Variants in TDRD10 observed in about 807,000 individuals in gnomAD.
TDRD10 encodes tudor domain-containing protein 10.
A neutral mutation model predicts 48.0 loss-of-function variants in TDRD10; 40 were observed. That is an observed-to-expected ratio of 0.83 (90% CI 0.65 to 1.09). TDRD10 has a LOEUF of 1.09. Ranked by LOEUF, TDRD10 falls within the 50% of genes least tolerant of loss-of-function variation. TDRD10 has a pLI of 0.00. For synonymous variants in TDRD10, 162 were observed against 170.4 expected, an observed-to-expected ratio of 0.95 and a Z score of 0.38; for missense variants, 378 against 434.7, an observed-to-expected ratio of 0.87 and a Z score of 1.16.
At chr1:154,541,948 C>A in intron 6 of TDRD10, 76 bp from the exon 7 acceptor site, 1 of 1,473,114 alleles carries the variant, frequency 6.8e-7, no homozygotes, top group Non-Finnish European at 9.4e-7. Flanking sequence ...CCCAGTCTAC[C>A]TGGAGTGATT....
chr1:154,510,444 T>G (rs1693396253), intron 4 of TDRD10, among the ~76,000 whole-genome samples: 1 of 150,638 alleles, frequency 6.6e-6, no homozygotes, highest in South Asian at 2.1e-4. Flanking sequence ...TACAAAAAAT[T>G]AGACGGGTAT....
chr1:154,535,888 C>T (rs908917846), intron 6 of TDRD10, among the ~76,000 whole-genome samples: 1 of 152,130 alleles, frequency 6.6e-6, no homozygotes, highest in Admixed American at 6.5e-5. Context: ...AGTCCTGGAA[C>T]AGTTGCTGTG....
chr1:154,532,784 C>T (rs567301591), intron 6 of TDRD10, among the ~76,000 whole-genome samples: 1 of 152,322 alleles, frequency 6.6e-6, no homozygotes, highest in African/African-American at 2.4e-5. Flanking sequence ...GCTGCTCCCA[C>T]AGGGGAACAC....
At chr1:154,521,593 A>C in intron 6 of TDRD10, 114 bp downstream of exon 6, 1 of 1,263,138 alleles carries the variant, frequency 7.9e-7, no homozygotes, top group South Asian at 1.5e-5. Flanking sequence ...TGTGGAGAAG[A>C]AGGCAGGGTC....
At position 154,506,868 on chromosome 1, in the gene TDRD10, G is replaced by T. The variant is rs1381871605; in HGVS notation, c.-27-9G>T. 1.2e-6 allele frequency: 2 copies of T among 1,613,578 alleles called. No individual in the cohort carries two copies. Among genetic ancestry groups the T allele is most frequent in the Admixed American group, 3.3e-5 (2 of 60,002 alleles). ...GCATTCCTCTAACTGTGGCCGGTTGGTTTTGTAGGAGATCCTGTTGGAAAG... is the reference window on the plus strand; with the variant it reads ...GCATTCCTCTAACTGTGGCCGGTTGTTTTTGTAGGAGATCCTGTTGGAAAG... On this transcript the variant is annotated splice_polypyrimidine_tract_variant and intron_variant, in intron 1 of 12. Transcript: ENST00000368482.
At chr1:154,503,975 A>G (rs913333637) in intron 1 of TDRD10, among the ~76,000 whole-genome samples, 2 of 152,186 alleles carry the variant, frequency 1.3e-5, no homozygotes, top group Non-Finnish European at 2.9e-5. Flanking sequence ...CAACAATCTA[A>G]TTTTAGAACA....
rs548098372 is a variant in TDRD10 at position 154,514,910 on chromosome 1, C to A, written c.142-5394C>A. ...TGAGACGGAGCCTTACTCTGTTGTC[C>A]AGGCTAGAGTGCAGTGGCGTGATCT... On this transcript the variant is annotated intron_variant, in intron 4 of 12. Coordinates refer to ENST00000368482, the MANE Select transcript of TDRD10 (RefSeq NM_182499.4). Among the ~76,000 whole-genome samples, 4 of 151,600 alleles carry A rather than the reference C, an allele frequency of 2.6e-5. No individual in the cohort carries two copies. In the East Asian group the frequency reaches 7.7e-4, roughly 29 times the overall value.
intron 1 of TDRD10, among the ~76,000 whole-genome samples, chr1:154,503,496 G>C (rs1050956916): frequency 2.6e-5 from 4 of 152,198 alleles, no homozygotes; most frequent in African/African-American, 9.7e-5. Flanking sequence ...GCTGAGGCAG[G>C]AGAATCGCTT....
chr1:154,545,927 A>ATTT (rs559924225), intron 11 of TDRD10, among the ~76,000 whole-genome samples: 10 of 85,498 alleles, frequency 1.2e-4, no homozygotes, highest in South Asian at 4.6e-4. Flanking sequence ...CACCCAGCTA[A>ATTT]TTTTTTTTTT....
chr1:154,515,250 G>A (rs12403537), intron 4 of TDRD10, among the ~76,000 whole-genome samples: 28,981 of 151,784 alleles, frequency 0.19, 3,036 homozygotes, highest in South Asian at 0.23. Context: ...TGCCTGCCTC[G>A]GCCTCCCAAA....
chr1:154,544,077 G>A lies in TDRD10; in HGVS notation c.618G>A (p.Lys206=), dbSNP rs779384867. The A allele has an allele frequency of 1.9e-6, 3 of 1,614,176 alleles. No individual in the cohort carries two copies. Among genetic ancestry groups the A allele is most frequent in the Non-Finnish European group, 1.7e-6 (2 of 1,180,032 alleles). The part of the protein sequence containing the change: ...AGLLVTSIVP[K]TPFFWAMHVT... The stretch of plus-strand genomic sequence containing the variant: ...TGCTGGTGACGAGTATCGTCCCGAA[G>A]ACCCCGTTTTTCTGGGCTATGCACG... The change falls in exon 9 of 13, where the codon AAG becomes AAA. Residue 206 remains lysine, a synonymous_variant. Transcript: ENST00000368482.
chr1:154,517,834 G>A (rs1050837069), intron 4 of TDRD10, among the ~76,000 whole-genome samples: 6 of 152,010 alleles, frequency 3.9e-5, no homozygotes, highest in East Asian at 1.9e-4. Context: ...TACGCATATC[G>A]GTGTGCGAGG....
At chr1:154,510,829 G>A (rs1359290425) in intron 4 of TDRD10, among the ~76,000 whole-genome samples, 3 of 151,148 alleles carry the variant, frequency 2.0e-5, no homozygotes, top group South Asian at 2.1e-4. Context: ...GGTGGATCAC[G>A]AGTTCAGGAG....
chr1:154,503,139 G>A (rs909176733), intron 1 of TDRD10, 110 bp downstream of exon 1: 1 of 152,334 alleles, frequency 6.6e-6, no homozygotes, highest in African/African-American at 2.4e-5. Context: ...GGGGAAAGGG[G>A]TCGCTGTTCC....
At chr1:154,540,286 G>A (rs528022227) in intron 6 of TDRD10, among the ~76,000 whole-genome samples, 152 of 152,194 alleles carry the variant, frequency 1.0e-3, no homozygotes, top group Non-Finnish European at 1.7e-3. Flanking sequence ...ATGGGCTCGG[G>A]TGTGTCTTGG....
chr1:154,503,181 G>A (rs1281421941), intron 1 of TDRD10, among the ~76,000 whole-genome samples, 152 bp downstream of exon 1: 1 of 152,194 alleles, frequency 6.6e-6, no homozygotes. Context: ...CGCCGGTTGG[G>A]AGCGGCCCTC....
intron 1 of TDRD10, among the ~76,000 whole-genome samples, chr1:154,504,751 C>T (rs1693048476): frequency 6.6e-6 from 1 of 152,142 alleles, no homozygotes; most frequent in Non-Finnish European, 1.5e-5. Flanking sequence ...GTTGTAAGAG[C>T]TCCTTATGTA....
intron 1 of TDRD10, among the ~76,000 whole-genome samples, chr1:154,503,255 G>T (rs992356986): frequency 1.1e-4 from 17 of 152,078 alleles, no homozygotes; most frequent in Non-Finnish European, 4.4e-5. Flanking sequence ...TAAGGGAAAA[G>T]ACGCCTCTGC....
intron 4 of TDRD10, among the ~76,000 whole-genome samples, chr1:154,517,408 CTGA>C (rs1261761888): frequency 6.6e-6 from 1 of 150,832 alleles, no homozygotes; most frequent in African/African-American, 2.4e-5. Context: ...TATGAAATAG[CTGA>C]TATTAGACCT....
Sources: allele counts gnomAD v4.1 joint callset (sites outside exome capture counted in the v4.1 genomes callset), GRCh38; gene constraint gnomAD v4.1.1; transcripts MANE v1.5; gene names NCBI Gene and HGNC (gene_info 2026-07-23, HGNC 2026-07-21).